Variants in GALNT10 observed in about 807,000 individuals in gnomAD.
GALNT10 encodes polypeptide N-acetylgalactosaminyltransferase 10.
In GALNT10, 41 loss-of-function variants were observed where a neutral mutation model predicts 75.0. That is an observed-to-expected ratio of 0.55 (90% CI 0.43 to 0.71). The LOEUF is 0.71. Among genes scored for constraint, GALNT10 ranks in the 30% least tolerant of loss-of-function variants. GALNT10 has a pLI of 0.00. For synonymous variants in GALNT10, 302 were observed against 313.0 expected, an observed-to-expected ratio of 0.96 and a Z score of 0.37; for missense variants, 727 against 818.5, an observed-to-expected ratio of 0.89 and a Z score of 1.36.
At position 154,419,005 on chromosome 5, in the gene GALNT10, C is replaced by A. The variant is rs539842298; in HGVS notation, c.*2033C>A. ...ACTGTGCCTTTTAAAAAGAAAAATGCAAATATAGAGCAAATCCCTAAACTT... is the reference window on the plus strand; with the variant it reads ...ACTGTGCCTTTTAAAAAGAAAAATGAAAATATAGAGCAAATCCCTAAACTT... On this transcript the variant is annotated 3_prime_UTR_variant, in exon 12 of 12. Transcript: ENST00000297107. 4 of 152,532 alleles carry A rather than the reference C, an allele frequency of 2.6e-5. No homozygotes were observed. Among genetic ancestry groups the A allele is most frequent in the African/African-American group, 9.6e-5 (4 of 41,508 alleles). 9.4% of individuals were successfully genotyped at this position (152,532 alleles called of 1,614,324 possible).
At chr5:154,301,730 T>C (rs528729342) in intron 3 of GALNT10, among the ~76,000 whole-genome samples, 6 of 152,306 alleles carry the variant, frequency 3.9e-5, no homozygotes, top group African/African-American at 1.2e-4. Context: ...TCAGTCTAAT[T>C]GGTTTTCTTT....
At position 154,376,436 on chromosome 5, in the gene GALNT10, A is replaced by G. The variant is rs116636563; in HGVS notation, c.728A>G (p.Asn243Ser). ...TTCTTGGATTCACACTGTGAAGCCAATGTCAACTGGCTTCCCCCCTTGCTT... is the reference window on the plus strand; with the variant it reads ...TTCTTGGATTCACACTGTGAAGCCAGTGTCAACTGGCTTCCCCCCTTGCTT... ...ITFLDSHCEA[N>S]VNWLPPLLDR... Residue 243 changes from asparagine (N) to serine (S), a missense_variant, in exon 5 of 12, where the codon AAT (asparagine) becomes AGT (serine). By Grantham distance (46) the Asn-to-Ser change is conservative. Transcript: ENST00000297107. This position sits in a 1 kb window ranked among gnomAD's most constrained non-coding sequence, Gnocchi z 4.1. The G allele has an allele frequency of 4.9e-5, 78 of 1,589,968 alleles. No individual in the cohort carries two copies. In the African/African-American group the frequency reaches 6.3e-4, roughly 13 times the overall value.
chr5:154,401,776 G>A (rs1319318150), intron 7 of GALNT10, among the ~76,000 whole-genome samples: 1 of 152,156 alleles, frequency 6.6e-6, no homozygotes, highest in Non-Finnish European at 1.5e-5. Flanking sequence ...TTAGGAGCCA[G>A]GTGGAAGAGC....
chr5:154,377,680 C>T (rs1581999577), intron 5 of GALNT10, among the ~76,000 whole-genome samples: 5 of 152,202 alleles, frequency 3.3e-5, no homozygotes, highest in African/African-American at 2.4e-5. Flanking sequence ...AAGATAATCC[C>T]GCAAATCTGT....
intron 4 of GALNT10, among the ~76,000 whole-genome samples, chr5:154,362,193 T>C (rs1479809062): frequency 6.6e-6 from 1 of 152,230 alleles, no homozygotes; most frequent in African/African-American, 2.4e-5. Context: ...CACTGGGATG[T>C]GTGCATGTGT....
chr5:154,407,748 A>T (rs1450678330), intron 8 of GALNT10, among the ~76,000 whole-genome samples: 2 of 152,246 alleles, frequency 1.3e-5, no homozygotes, highest in African/African-American at 4.8e-5. Context: ...AATTAAACAC[A>T]GCCTTTTCTG....
At chr5:154,415,138 A>C (rs1057406088) in intron 10 of GALNT10, among the ~76,000 whole-genome samples, 2 of 152,122 alleles carry the variant, frequency 1.3e-5, no homozygotes, top group Non-Finnish European at 1.5e-5. Flanking sequence ...AACAAACAAA[A>C]AAAAGAATCC....
intron 5 of GALNT10, among the ~76,000 whole-genome samples, chr5:154,380,136 T>C (rs1755711757): frequency 6.6e-6 from 1 of 152,152 alleles, no homozygotes; most frequent in Non-Finnish European, 1.5e-5. Context: ...TGCTAAGCAT[T>C]TTCAAACATA....
intron 1 of GALNT10, among the ~76,000 whole-genome samples, chr5:154,210,033 T>A (rs1239168622): frequency 2.0e-5 from 3 of 152,196 alleles, no homozygotes; most frequent in Non-Finnish European, 2.9e-5. Context: ...AAAGCCTGTT[T>A]GGACTTTGGA....
At chr5:154,287,156 C>T (rs1021564439) in intron 1 of GALNT10, among the ~76,000 whole-genome samples, 2 of 152,156 alleles carry the variant, frequency 1.3e-5, no homozygotes, top group African/African-American at 2.4e-5. Flanking sequence ...AAGGTAGTAA[C>T]GTATTTTATT....
At chr5:154,294,502 G>A (rs191867197) in intron 1 of GALNT10, among the ~76,000 whole-genome samples, 213 of 152,330 alleles carry the variant, frequency 1.4e-3, no homozygotes, top group Non-Finnish European at 2.7e-3. Context: ...TGTGGCTCAC[G>A]TTATATTTCT....
chr5:154,199,783 T>C (rs1227547697), intron 1 of GALNT10, among the ~76,000 whole-genome samples: 1 of 152,096 alleles, frequency 6.6e-6, no homozygotes, highest in African/African-American at 2.4e-5. Flanking sequence ...GGAGAGAGTG[T>C]GGAGTTGGGA....
chr5:154,288,055 A>T (rs1196379340), intron 1 of GALNT10, among the ~76,000 whole-genome samples: 1 of 152,144 alleles, frequency 6.6e-6, no homozygotes, highest in Non-Finnish European at 1.5e-5. Flanking sequence ...AAATCATTTC[A>T]TTGCCTTTGT....
chr5:154,221,989 A>C (rs1752986810), intron 1 of GALNT10, among the ~76,000 whole-genome samples: 1 of 152,106 alleles, frequency 6.6e-6, no homozygotes, highest in African/African-American at 2.4e-5. Flanking sequence ...AATTACAATA[A>C]ACTGCACATT....
At chr5:154,193,890 A>G (rs1267325967) in intron 1 of GALNT10, among the ~76,000 whole-genome samples, 1 of 152,268 alleles carries the variant, frequency 6.6e-6, no homozygotes, top group Non-Finnish European at 1.5e-5. Flanking sequence ...TAAAGGACAC[A>G]TAATGCTTCT....
In GALNT10 at chr5:154,297,974, C is replaced by T. The variant is rs1182876835; in HGVS notation, c.296C>T (p.Thr99Ile). The T allele has an allele frequency of 6.2e-7, 1 of 1,613,702 alleles. No individual in the cohort carries two copies. Among genetic ancestry groups the T allele is most frequent in the African/African-American group, 1.3e-5 (1 of 74,880 alleles). The change falls in exon 3 of 12, where the codon ACC becomes ATC. Residue 99 changes from threonine (T) to isoleucine (I), a missense_variant. By Grantham distance (89) the Thr-to-Ile change is moderately conservative. Transcript: ENST00000297107. ...GAACAAGGAAGACCTTACCCCATGA[C>T]CGATGCTGAGAGAGTGGATCAGGCA... ...NGEQGRPYPM[T>I]DAERVDQAYR... is the part of the protein sequence containing the mutation.
intron 3 of GALNT10, among the ~76,000 whole-genome samples, chr5:154,319,766 A>G (rs1754647308): frequency 6.6e-6 from 1 of 152,230 alleles, no homozygotes; most frequent in Non-Finnish European, 1.5e-5. Flanking sequence ...ATCATACACA[A>G]AAGAACAGGG....
At chr5:154,344,766 C>T (rs1010718263) in intron 4 of GALNT10, among the ~76,000 whole-genome samples, 6 of 152,152 alleles carry the variant, frequency 3.9e-5, no homozygotes, top group Non-Finnish European at 8.8e-5. Flanking sequence ...AGCATGACTT[C>T]AGAGTTCAGG....
chr5:154,258,633 A>C (rs187344815), intron 1 of GALNT10, among the ~76,000 whole-genome samples: 1 of 152,238 alleles, frequency 6.6e-6, no homozygotes, highest in African/African-American at 2.4e-5. Context: ...TGGGCTTTCT[A>C]TGCTTCTTGA....
Sources: gnomAD v4.1 joint callset for allele counts (sites outside exome capture counted in the v4.1 genomes callset) on GRCh38, gnomAD v4.1.1 for gene constraint, Gnocchi (gnomAD v3.1) non-coding constraint, MANE v1.5 for transcripts, NCBI Gene and HGNC (gene_info 2026-07-23, HGNC 2026-07-21) for gene names.